Variants in HSD17B12 observed in about 807,000 individuals in gnomAD.
HSD17B12 encodes the protein very-long-chain 3-oxoacyl-CoA reductase.
Under a neutral mutation model 39.3 loss-of-function variants are expected in HSD17B12, and 32 were observed. That is an observed-to-expected ratio of 0.81 (90% CI 0.61 to 1.09). The LOEUF (loss-of-function observed/expected upper bound fraction) is 1.09. HSD17B12 is among the 50% of genes least tolerant of loss of function. HSD17B12 has a pLI of 0.00. For synonymous variants in HSD17B12, 150 were observed against 146.7 expected, an observed-to-expected ratio of 1.02 and a Z score of -0.16; for missense variants, 342 against 382.9, an observed-to-expected ratio of 0.89 and a Z score of 0.89.
Position 43,776,219 on chromosome 11 carries a change from C to T in HSD17B12, c.283+22098C>T, listed in dbSNP as rs1015532985. 3.3e-3 allele frequency among the ~76,000 whole-genome samples: 500 copies of T among 152,238 alleles called. 1 individual carries two copies. The highest frequency in any genetic ancestry group is 6.5e-3 in the Non-Finnish European group (439 of 68,016). ...ATGGTTGAACTAGTTTACAGTCCCACCAACAGTGTAAAGTGTTCCTATTTC... is the reference window on the plus strand; with the variant it reads ...ATGGTTGAACTAGTTTACAGTCCCATCAACAGTGTAAAGTGTTCCTATTTC... On this transcript the variant is annotated intron_variant, in intron 3 of 10. Transcript: ENST00000278353.
chr11:43,662,699 G>C, the HSD17B12 span, among the ~76,000 whole-genome samples: 2 of 152,098 alleles, frequency 1.3e-5, no homozygotes, highest in East Asian at 3.9e-4. Context: ...TCATGGAAAG[G>C]GTCAGAATAT....
the HSD17B12 span, among the ~76,000 whole-genome samples, chr11:43,565,100 A>C: frequency 5.5e-4 from 83 of 152,202 alleles, no homozygotes; most frequent in Non-Finnish European, 9.4e-4. Flanking sequence ...GGGTTTCACC[A>C]TGTTGGCCAG....
chr11:43,702,376 G>C (rs1340693163), intron 1 of HSD17B12, among the ~76,000 whole-genome samples: 1 of 152,178 alleles, frequency 6.6e-6, no homozygotes, highest in Admixed American at 6.5e-5. Flanking sequence ...TTGAATAACA[G>C]TGGTGAAAGT....
chr11:43,671,851 C>A, the HSD17B12 span, among the ~76,000 whole-genome samples: 43 of 152,064 alleles, frequency 2.8e-4, no homozygotes, highest in Admixed American at 7.2e-4. Flanking sequence ...GGGTGGGATG[C>A]TTTTTCATTT....
At chr11:43,830,946 A>G (rs1951303200) in intron 6 of HSD17B12, 30 bp from the exon 7 acceptor site, 2 of 1,598,888 alleles carry the variant, frequency 1.3e-6, no homozygotes, top group Non-Finnish European at 8.5e-7. Flanking sequence ...ATCCTTGGCC[A>G]TCATGAATGT....
chr11:43,837,824 C>T (rs879256596), intron 7 of HSD17B12: 4 of 155,778 alleles, frequency 2.6e-5, no homozygotes, highest in South Asian at 3.9e-4. Context: ...TGCTCAGTAC[C>T]GTGTGGAATA....
chr11:43,599,565 C>T, the HSD17B12 span, among the ~76,000 whole-genome samples: 1 of 152,130 alleles, frequency 6.6e-6, no homozygotes, highest in Non-Finnish European at 1.5e-5. Context: ...TGATCCTCTC[C>T]CTCCTTCTGC....
At chr11:43,637,838 G>A in the HSD17B12 span, among the ~76,000 whole-genome samples, 2 of 152,164 alleles carry the variant, frequency 1.3e-5, no homozygotes, top group African/African-American at 4.8e-5. Flanking sequence ...ATGTGTAAGA[G>A]AAAAAGTGAT....
chr11:43,742,699 T>C (rs1488094968), intron 1 of HSD17B12, among the ~76,000 whole-genome samples: 2 of 152,094 alleles, frequency 1.3e-5, no homozygotes, highest in African/African-American at 4.8e-5. Context: ...ATTGTAGAAC[T>C]ACAGTGGTGC....
chr11:43,565,180 G>A, the HSD17B12 span, among the ~76,000 whole-genome samples: 2 of 152,200 alleles, frequency 1.3e-5, no homozygotes, highest in African/African-American at 2.4e-5. Context: ...GATTACAGGC[G>A]TGAGCCACCA....
chr11:43,689,954 A>G (rs1457131113), intron 1 of HSD17B12, among the ~76,000 whole-genome samples: 1 of 152,100 alleles, frequency 6.6e-6, no homozygotes, highest in Non-Finnish European at 1.5e-5. Context: ...TGTTCCTTGA[A>G]CAACCTTGGC....
chr11:43,768,474 G>T (rs1950617601), intron 3 of HSD17B12, among the ~76,000 whole-genome samples: 1 of 152,040 alleles, frequency 6.6e-6, no homozygotes, highest in Non-Finnish European at 1.5e-5. Context: ...GTTCCTTCTG[G>T]TGGGTTCTTG....
At chr11:43,612,872 G>C in the HSD17B12 span, among the ~76,000 whole-genome samples, 2 of 152,170 alleles carry the variant, frequency 1.3e-5, no homozygotes, top group African/African-American at 4.8e-5. Flanking sequence ...GTGGAACTGG[G>C]TGAGAAATGG....
chr11:43,653,631 A>G, the HSD17B12 span, among the ~76,000 whole-genome samples: 2 of 151,858 alleles, frequency 1.3e-5, no homozygotes, highest in Middle Eastern at 3.2e-3. Flanking sequence ...ATTCCCACCT[A>G]TGAGTGAGAA....
intron 1 of HSD17B12, among the ~76,000 whole-genome samples, chr11:43,725,958 C>T (rs543454304): frequency 6.6e-5 from 10 of 152,192 alleles, no homozygotes; most frequent in East Asian, 1.9e-4. Context: ...GAGCCATGAA[C>T]GCAAGATTTT....
At chr11:43,685,421 A>C (rs1199972168) in intron 1 of HSD17B12, among the ~76,000 whole-genome samples, 2 of 152,242 alleles carry the variant, frequency 1.3e-5, no homozygotes, top group African/African-American at 4.8e-5. Flanking sequence ...TCTTTCTTTA[A>C]CAAGAGTTTG....
chr11:43,718,051 C>T (rs554058906), intron 1 of HSD17B12, among the ~76,000 whole-genome samples: 53 of 152,202 alleles, frequency 3.5e-4, no homozygotes, highest in East Asian at 1.5e-3. Context: ...GCAATCCACC[C>T]GCCTTGGCCT....
At chr11:43,751,074 A>G (rs538622479) in intron 2 of HSD17B12, 117 bp downstream of exon 2, 3 of 566,320 alleles carry the variant, frequency 5.3e-6, no homozygotes, top group Admixed American at 3.6e-5. Context: ...GTTGCATGGT[A>G]CAATAGATGC....
At chr11:43,690,619 A>G (rs2134781046) in intron 1 of HSD17B12, among the ~76,000 whole-genome samples, 1 of 151,312 alleles carries the variant, frequency 6.6e-6, no homozygotes, top group African/African-American at 2.4e-5. Context: ...TCAGCTACAA[A>G]TCTAACAAAT....
Sources: allele counts gnomAD v4.1 joint callset (sites outside exome capture counted in the v4.1 genomes callset), GRCh38; gene constraint gnomAD v4.1.1; transcripts MANE v1.5; gene names NCBI Gene and HGNC (gene_info 2026-07-23, HGNC 2026-07-21).